The following THADA variants were observed in gnomAD, a reference collection of about 807,000 sequenced individuals.
The protein encoded by THADA is tRNA (32-2'-O)-methyltransferase regulator THADA.
THADA carries 213 observed loss-of-function variants against 219.8 expected under a neutral mutation model. That is an observed-to-expected ratio of 0.97 (90% CI 0.87 to 1.09). The LOEUF (loss-of-function observed/expected upper bound fraction) is 1.09. Ranked by LOEUF, THADA falls within the 50% of genes least tolerant of loss-of-function variation. The pLI is 0.00. For synonymous variants in THADA, 1,018 were observed against 828.9 expected (o/e 1.23, Z -3.92); for missense variants, 2,956 against 2,311.3 (o/e 1.28, Z -5.72).
intron 22 of THADA, among the ~76,000 whole-genome samples, chr2:43,513,970 A>C (rs1690832314): frequency 6.6e-6 from 1 of 150,582 alleles, no homozygotes; most frequent in Non-Finnish European, 1.5e-5. Flanking sequence ...TAAAGCAGGA[A>C]GATCACTTGA....
At chr2:43,430,574 A>G in intron 26 of THADA, 1 of 474,850 alleles carries the variant, frequency 2.1e-6, no homozygotes, top group Admixed American at 2.6e-5. Context: ...CAGGGAAGAA[A>G]TATGTAATCT....
chr2:43,563,983 C>T (rs1379850624), intron 15 of THADA: 11 of 152,154 alleles, frequency 7.2e-5, no homozygotes. Context: ...AGAAAGATGA[C>T]TCAGGGTTTT....
At chr2:43,555,178 A>C (rs1697197532) in intron 17 of THADA, among the ~76,000 whole-genome samples, 1 of 152,054 alleles carries the variant, frequency 6.6e-6, no homozygotes, top group Non-Finnish European at 1.5e-5. Context: ...ACTACTGAGA[A>C]AATTCAGTAT....
chr2:43,397,837 G>A (rs1470075053), intron 29 of THADA, 134 bp downstream of exon 29: 3 of 819,554 alleles, frequency 3.7e-6, no homozygotes, highest in Non-Finnish European at 1.9e-6. Context: ...TGATCTTTCG[G>A]AAGTAGAAAA....
At chr2:43,572,069 TA>T (rs1176901993) in intron 12 of THADA, among the ~76,000 whole-genome samples, 1 of 152,228 alleles carries the variant, frequency 6.6e-6, no homozygotes, top group African/African-American at 2.4e-5. Flanking sequence ...TGGGGATTTA[TA>T]AAATGCAACA....
At chr2:43,454,584 A>G (rs773865197) in intron 26 of THADA, among the ~76,000 whole-genome samples, 69 of 144,530 alleles carry the variant, frequency 4.8e-4, no homozygotes, top group East Asian at 3.8e-3. Flanking sequence ...CTTCAGTGAC[A>G]GAAGGAGACC....
At chr2:43,300,576 T>C (rs1297528968) in intron 31 of THADA, among the ~76,000 whole-genome samples, 1 of 152,100 alleles carries the variant, frequency 6.6e-6, no homozygotes, top group African/African-American at 2.4e-5. Flanking sequence ...CAATTTAAGG[T>C]GGGCCCTGAG....
chr2:43,504,509 C>T (rs982922129), intron 24 of THADA, among the ~76,000 whole-genome samples: 3 of 152,224 alleles, frequency 2.0e-5, no homozygotes, highest in Non-Finnish European at 4.4e-5. Flanking sequence ...ATCATATGTA[C>T]TTATCGTACT....
chr2:43,324,277 C>A (rs10211126), intron 30 of THADA, among the ~76,000 whole-genome samples: 36,834 of 152,176 alleles, frequency 0.24, 5,087 homozygotes, highest in African/African-American at 0.38. Flanking sequence ...TGTTCTGCAT[C>A]TTCCCTAGAC....
rs962777533 is a variant in THADA at position 43,527,859 on chromosome 2, C to G, written c.3374+20G>C. 3.3e-6 allele frequency: 5 copies of G among 1,530,604 alleles called. No individual in the cohort carries two copies. Among genetic ancestry groups the G allele is most frequent in the Non-Finnish European group, 3.6e-6 (4 of 1,109,122 alleles). The allele number at this position is 1,530,604 out of a possible 1,614,324, so 94.8% of individuals were successfully genotyped here. A position where few individuals can be genotyped will look rare whatever the true frequency, so the allele number is the denominator to read the frequency against. On this transcript the variant is annotated intron_variant, in intron 22 of 37. Transcript: ENST00000405975. ...ATATTTAGTCTTTTTAAAACGTACA[C>G]AAAAGGATATTTGTTTTACCTGTTT...
At chr2:43,297,956 G>GGGGA (rs1675755179) in intron 31 of THADA, among the ~76,000 whole-genome samples, 1 of 93,338 alleles carries the variant, frequency 1.1e-5, no homozygotes, top group Non-Finnish European at 2.0e-5. Flanking sequence ...AGGTGGGGGG[G>GGGGA]TCAGCCCCCC....
chr2:43,523,271 CAG>C (rs1692728017), intron 22 of THADA, among the ~76,000 whole-genome samples: 1 of 151,892 alleles, frequency 6.6e-6, no homozygotes, highest in African/African-American at 2.4e-5. Flanking sequence ...GAGGCTGAGA[CAG>C]ATTCTGATCA....
chr2:43,565,771 T>A (rs759693095), intron 15 of THADA: 1 of 152,082 alleles, frequency 6.6e-6, no homozygotes, highest in Non-Finnish European at 1.5e-5. Flanking sequence ...TTCTAACACA[T>A]ATACACACAT....
At chr2:43,437,389 C>A (rs942194144) in intron 26 of THADA, among the ~76,000 whole-genome samples, 3 of 152,016 alleles carry the variant, frequency 2.0e-5, no homozygotes, top group Non-Finnish European at 1.5e-5. Flanking sequence ...TACCATAGAC[C>A]CTGTTGGTTT....
intron 29 of THADA, among the ~76,000 whole-genome samples, chr2:43,375,812 A>C (rs1321883414): frequency 6.6e-6 from 1 of 152,218 alleles, no homozygotes; most frequent in Non-Finnish European, 1.5e-5. Flanking sequence ...AGAACTGCTG[A>C]CAGTGTTAAG....
At chr2:43,462,305 G>T (rs904732607) in intron 26 of THADA, among the ~76,000 whole-genome samples, 1 of 152,070 alleles carries the variant, frequency 6.6e-6, no homozygotes, top group Non-Finnish European at 1.5e-5. Context: ...AGGGGAAGGC[G>T]CTGACCAAAA....
rs60496612 is a variant in THADA, at chr2:43,299,182, T to TA, written c.4439-5970dup. 4.4e-3 allele frequency among the ~76,000 whole-genome samples: 652 copies of TA among 147,052 alleles called. 4 individuals are homozygous for TA. The highest frequency in any genetic ancestry group is 0.012 in the African/African-American group (491 of 40,368). ...ATGTCTCATTATATATGCAAATATTTAAAAAAAAAAAACCCAAACCTGAAA... is the reference window on the plus strand; with the variant it reads ...ATGTCTCATTATATATGCAAATATTTAAAAAAAAAAAAACCCAAACCTGAAA... On this transcript the variant is annotated intron_variant, in intron 31 of 37. Transcript: ENST00000405975.
chr2:43,521,110 G>C (rs541344487), intron 22 of THADA, among the ~76,000 whole-genome samples: 120 of 134,678 alleles, frequency 8.9e-4, no homozygotes, highest in African/African-American at 2.9e-3. Flanking sequence ...GAGAGGGAAG[G>C]GAGGGAAGGT....
At chr2:43,533,585 T>C (rs1694170713) in intron 21 of THADA, among the ~76,000 whole-genome samples, 2 of 152,240 alleles carry the variant, frequency 1.3e-5, no homozygotes, top group Non-Finnish European at 2.9e-5. Context: ...TTCATGTCCT[T>C]TGCAGGGACT....
Sources: allele counts gnomAD v4.1 joint callset (sites outside exome capture counted in the v4.1 genomes callset), GRCh38; gene constraint gnomAD v4.1.1; transcripts MANE v1.5; gene names NCBI Gene and HGNC (gene_info 2026-07-23, HGNC 2026-07-21).